The following CCDC60 variants were observed in gnomAD, a reference collection of about 807,000 sequenced individuals.
CCDC60 encodes coiled-coil domain-containing protein 60.
A neutral mutation model predicts 63.5 loss-of-function variants in CCDC60; 54 were observed. The ratio of observed to expected loss-of-function variants is 0.85; its 90% confidence interval spans 0.68 to 1.07. The LOEUF (loss-of-function observed/expected upper bound fraction) is 1.07, where lower values mean the gene tolerates loss of function less well. Among genes scored for constraint, CCDC60 ranks in the 50% least tolerant of loss-of-function variants. The probability of loss-of-function intolerance (pLI) is 0.00; values close to 1 mark genes in which losing one functional copy is unlikely to be tolerated. For synonymous variants in CCDC60, 206 were observed against 238.8 expected, an observed-to-expected ratio of 0.86 and a Z score of 1.27; for missense variants, 651 against 684.3, an observed-to-expected ratio of 0.95 and a Z score of 0.54.
chr12:119,386,824 C>T (rs1956068436), intron 1 of CCDC60, among the ~76,000 whole-genome samples: 1 of 152,242 alleles, frequency 6.6e-6, no homozygotes, highest in African/African-American at 2.4e-5. Context: ...CATTACCAAC[C>T]GAGCATTGCG....
chr12:119,406,784 A>G (rs1485911916), intron 1 of CCDC60, among the ~76,000 whole-genome samples: 8 of 152,094 alleles, frequency 5.3e-5, no homozygotes, highest in Non-Finnish European at 1.2e-4. Flanking sequence ...CCACTTACCT[A>G]CATACCCCCA....
At chr12:119,368,355 T>A (rs568433409) in intron 1 of CCDC60, among the ~76,000 whole-genome samples, 1 of 152,298 alleles carries the variant, frequency 6.6e-6, no homozygotes, top group South Asian at 2.1e-4. Flanking sequence ...ACCTCATTTT[T>A]CTTGTCTAAT....
In CCDC60 at chr12:119,516,542, T is replaced by C. The variant is rs550918561; in HGVS notation, c.884-81T>C. 3.3e-6 allele frequency: 3 copies of C among 913,646 alleles called. No homozygotes were observed. The East Asian group carries it at 7.3e-5, about 22-fold the overall frequency. The allele number at this position is 913,646 out of a possible 1,614,324, so 56.6% of individuals were successfully genotyped here. ...CCTCAGGAGCAGAGGTGACCCCAGT[T>C]TGGGGGGCTGCACCCTGTTCTGCAC... On this transcript the variant is annotated intron_variant, in intron 7 of 13. Transcript: ENST00000327554.
chr12:119,365,715 G>A (rs1033696522), intron 1 of CCDC60, among the ~76,000 whole-genome samples: 1 of 152,228 alleles, frequency 6.6e-6, no homozygotes, highest in Admixed American at 6.5e-5. Context: ...TGAAAGTGTT[G>A]CTGCAAGCTT....
intron 1 of CCDC60, among the ~76,000 whole-genome samples, chr12:119,382,054 G>A (rs138402199): frequency 2.7e-3 from 410 of 152,240 alleles, no homozygotes; most frequent in Non-Finnish European, 4.5e-3. Context: ...GCGGGGCAGG[G>A]GCAGAGCCAG....
At chr12:119,390,414 C>T (rs1190192162) in intron 1 of CCDC60, among the ~76,000 whole-genome samples, 1 of 152,300 alleles carries the variant, frequency 6.6e-6, no homozygotes, top group African/African-American at 2.4e-5. Flanking sequence ...TCTTTCTCTC[C>T]CACCATTCTA....
Position 119,540,609 on chromosome 12 carries a change from C to A in CCDC60, c.1552-5C>A. ...TCTGAGATTGCCACTATGTCTGCCT[C>A]ACAGTTTGTGCGAGAACACATCATC... On this transcript the variant is annotated splice_region_variant and splice_polypyrimidine_tract_variant and intron_variant, in intron 13 of 13. Transcript: ENST00000327554. 1 of 1,610,372 alleles carries A rather than the reference C, an allele frequency of 6.2e-7. No homozygotes were observed.
chr12:119,435,156 T>A (rs2136245187), intron 2 of CCDC60, among the ~76,000 whole-genome samples: 1 of 152,280 alleles, frequency 6.6e-6, no homozygotes, highest in Non-Finnish European at 1.5e-5. Context: ...CCTGTTTCCA[T>A]CTCTCACACT....
At chr12:119,411,702 G>T (rs932905537) in intron 1 of CCDC60, among the ~76,000 whole-genome samples, 2 of 152,010 alleles carry the variant, frequency 1.3e-5, no homozygotes, top group Non-Finnish European at 2.9e-5. Context: ...GACCTTCTCG[G>T]GAGAGAAAGA....
intron 1 of CCDC60, among the ~76,000 whole-genome samples, chr12:119,412,763 A>ACCCCCCCCC (rs150785942): frequency 3.4e-4 from 30 of 88,014 alleles, no homozygotes; most frequent in African/African-American, 5.9e-4. Context: ...AAAGCCCCCC[A>ACCCCCCCCC]CCCCCCCCCA....
rs1956575161 is a variant in CCDC60 at position 119,410,447 on chromosome 12, A to G, written c.91-18236A>G. 6.6e-6 allele frequency among the ~76,000 whole-genome samples: 1 copy of G among 152,184 alleles called. No individual in the cohort carries two copies. Among genetic ancestry groups the G allele is most frequent in the Non-Finnish European group, 1.5e-5 (1 of 68,038 alleles). On this transcript the variant is annotated intron_variant, in intron 1 of 13. Coordinates refer to ENST00000327554, the MANE Select transcript of CCDC60 (RefSeq NM_178499.5). The surrounding 1 kb of genome is among the most constrained non-coding windows in gnomAD (Gnocchi z 4.0). The stretch of plus-strand genomic sequence containing the variant: ...CTCAGTGCTCCATCTTCAGTCCTTC[A>G]CTGGGCCCTCACCCCTAAGCTGATT...
chr12:119,501,893 T>C (rs1480873942), intron 6 of CCDC60, among the ~76,000 whole-genome samples: 1 of 152,300 alleles, frequency 6.6e-6, no homozygotes, highest in East Asian at 1.9e-4. Flanking sequence ...GAGACCTGGC[T>C]CAGCCATGCT....
intron 1 of CCDC60, among the ~76,000 whole-genome samples, chr12:119,412,583 A>G (rs960551049): frequency 6.6e-6 from 1 of 152,228 alleles, no homozygotes; most frequent in Non-Finnish European, 1.5e-5. Context: ...AGAGCCCTGC[A>G]GCCAACAGGA....
At chr12:119,508,945 C>G (rs867503431) in intron 7 of CCDC60, among the ~76,000 whole-genome samples, 5 of 152,076 alleles carry the variant, frequency 3.3e-5, no homozygotes, top group South Asian at 2.1e-4. Flanking sequence ...TCTCCTGGGG[C>G]AAACTGAACA....
intron 11 of CCDC60, chr12:119,524,489 A>G (rs2711744): frequency 0.32 from 307,663 of 970,220 alleles, 49,856 homozygotes; most frequent in African/African-American, 0.44. Flanking sequence ...TCACAGCACT[A>G]ATGGGCTGAA....
At chr12:119,462,016 C>T (rs1411785846) in intron 2 of CCDC60, among the ~76,000 whole-genome samples, 1 of 152,190 alleles carries the variant, frequency 6.6e-6, no homozygotes, top group Non-Finnish European at 1.5e-5. Context: ...GGCCCAGACC[C>T]TCCCCCTAAC....
intron 3 of CCDC60, among the ~76,000 whole-genome samples, chr12:119,477,142 A>G (rs148240860): frequency 1.4e-4 from 21 of 152,226 alleles, no homozygotes; most frequent in South Asian, 6.2e-4. Context: ...GGGCCTCCTC[A>G]CAGGCTGCCA....
At chr12:119,413,990 G>GC (rs1565995569) in intron 1 of CCDC60, among the ~76,000 whole-genome samples, 1 of 151,650 alleles carries the variant, frequency 6.6e-6, no homozygotes, top group Admixed American at 6.6e-5. Context: ...CTTCTCCCAG[G>GC]CCCCCTCCTA....
At chr12:119,474,162 G>A (rs1951127647) in intron 3 of CCDC60, among the ~76,000 whole-genome samples, 1 of 152,156 alleles carries the variant, frequency 6.6e-6, no homozygotes, top group South Asian at 2.1e-4. Context: ...CTCCTGCAAA[G>A]AACGGCCATA....
Sources: allele counts gnomAD v4.1 joint callset (sites outside exome capture counted in the v4.1 genomes callset), GRCh38; gene constraint gnomAD v4.1.1; non-coding constraint Gnocchi (gnomAD v3.1); transcripts MANE v1.5; gene names NCBI Gene and HGNC (gene_info 2026-07-23, HGNC 2026-07-21).